Variants in MMP15 observed in about 807,000 individuals in gnomAD.
The protein encoded by MMP15 is matrix metallopeptidase 15.
MMP15 carries 36 observed loss-of-function variants against 65.0 expected under a neutral mutation model. That is an observed-to-expected ratio of 0.55 (90% CI 0.42 to 0.73). The LOEUF (loss-of-function observed/expected upper bound fraction) is 0.73, where lower values mean the gene tolerates loss of function less well. MMP15 is among the 30% of genes least tolerant of loss of function. The probability of loss-of-function intolerance (pLI) is 0.00; values close to 1 mark genes in which losing one functional copy is unlikely to be tolerated. For missense variants in MMP15, 870 were observed against 987.8 expected, an observed-to-expected ratio of 0.88 and a Z score of 1.60; for synonymous variants, 428 against 410.2, an observed-to-expected ratio of 1.04 and a Z score of -0.52.
rs1247698809 is a variant in MMP15, at chr16:58,041,680, G to A, written c.974G>A (p.Gly325Asp). The change falls in exon 6 of 10, where the codon GGC becomes GAC. Residue 325 changes from glycine (G) to aspartate (D), a missense_variant. Physicochemically the swap from Gly to Asp is moderately conservative, Grantham distance 94. Coordinates refer to ENST00000219271, the MANE Select transcript of MMP15 (RefSeq NM_002428.4). ...CCCACTGTGACGCCACGGCGGCCAGGCCGGCCTGACCACCGGCCGCCCCGG... is the reference window on the plus strand; with the variant it reads ...CCCACTGTGACGCCACGGCGGCCAGACCGGCCTGACCACCGGCCGCCCCGG... Reference protein sequence around the residue: ...PLPTVTPRRPGRPDHRPPRPP... With the variant: ...PLPTVTPRRPDRPDHRPPRPP... The A allele has an allele frequency of 6.3e-7, 1 of 1,579,196 alleles. No individual in the cohort carries two copies. The highest frequency in any genetic ancestry group is 1.1e-5 in the South Asian group (1 of 87,154).
chr16:58,041,810 C>G lies in MMP15; in HGVS notation c.1104C>G (p.Asn368Lys). 6.2e-7 allele frequency: 1 copy of G among 1,612,248 alleles called. No homozygotes were observed. The highest frequency in any genetic ancestry group is 8.5e-7 in the Non-Finnish European group (1 of 1,179,232). ...AGCGGCCCGACCAGTATGGCCCCAA[C>G]ATCTGCGACGGGGACTTTGACACAG... ...ATERPDQYGP[N>K]ICDGDFDTVA... Residue 368 changes from asparagine (N) to lysine (K), a missense_variant, in exon 6 of 10, where the codon AAC (asparagine) becomes AAG (lysine). Transcript: ENST00000219271.
intron 9 of MMP15, 58 bp downstream of exon 9, chr16:58,043,685 C>T: frequency 7.7e-7 from 1 of 1,301,830 alleles, no homozygotes; most frequent in Non-Finnish European, 1.1e-6. Flanking sequence ...CTACACACAC[C>T]ACAGGGCAGG....
Position 58,045,072 on chromosome 16 carries a change from C to A in MMP15, c.1636C>A (p.Pro546Thr), listed in dbSNP as rs1223478121. The A allele has an allele frequency of 2.5e-6, 4 of 1,613,048 alleles. No homozygotes were observed. The highest frequency in any genetic ancestry group is 3.4e-6 in the Non-Finnish European group (4 of 1,179,892). Residue 546 changes from proline (P) to threonine (T), a missense_variant, in exon 10 of 10, where the codon CCC becomes ACC. Transcript: ENST00000219271. ...KFDNERLRMEPGYPKSILRDF... is the reference protein window; with the variant it reads ...KFDNERLRMETGYPKSILRDF... Reference sequence around the variant, plus strand: ...CGACAATGAGCGCCTGCGGATGGAGCCCGGCTACCCCAAGTCCATCCTGCG... The same window carrying A: ...CGACAATGAGCGCCTGCGGATGGAGACCGGCTACCCCAAGTCCATCCTGCG...
chr16:58,039,994 T>G lies in MMP15; in HGVS notation c.560T>G (p.Ile187Ser). The change falls in exon 4 of 10, where the codon ATC (isoleucine) becomes AGC (serine). Residue 187 changes from isoleucine (I) to serine (S), a missense_variant. By Grantham distance (142) the Ile-to-Ser change is moderately radical. Coordinates refer to ENST00000219271, the MANE Select transcript of MMP15 (RefSeq NM_002428.4). The stretch of plus-strand genomic sequence containing the variant: ...TTCCAGGAGGTGCCCTATGAGGACA[T>G]CCGGCTGCGGCGACAGAAGGAGGCC... ...LVFQEVPYED[I>S]RLRRQKEADI... The G allele has an allele frequency of 6.2e-7, 1 of 1,614,048 alleles. No homozygotes were observed. Among genetic ancestry groups the G allele is most frequent in the Non-Finnish European group, 8.5e-7 (1 of 1,180,052 alleles).
chr16:58,037,379 T>C (rs1324305463), intron 1 of MMP15, 93 bp from the exon 2 acceptor site: 6 of 1,492,204 alleles, frequency 4.0e-6, no homozygotes, highest in Non-Finnish European at 5.5e-6. Context: ...AGAGCAGCGG[T>C]GGTGGAGGTG....
intron 1 of MMP15, among the ~76,000 whole-genome samples, chr16:58,034,526 G>T (rs1959292535): frequency 6.6e-6 from 1 of 152,128 alleles, no homozygotes; most frequent in Admixed American, 6.5e-5. Flanking sequence ...TTGGGCACTT[G>T]GCGTTCAGTC....
intron 1 of MMP15, among the ~76,000 whole-genome samples, chr16:58,033,489 G>A (rs895197006): frequency 6.6e-6 from 1 of 152,218 alleles, no homozygotes; most frequent in Non-Finnish European, 1.5e-5. Context: ...CAGGTGCTGC[G>A]GTTATGACCT....
At chr16:58,041,555 C>G in intron 5 of MMP15, 62 bp from the exon 6 acceptor site, 1 of 1,545,646 alleles carries the variant, frequency 6.5e-7, no homozygotes, top group South Asian at 1.2e-5. Flanking sequence ...GCTGGGGGCC[C>G]CGGGGCCCAG....
intron 4 of MMP15, 144 bp from the exon 5 acceptor site, chr16:58,040,393 T>C: frequency 8.9e-7 from 1 of 1,125,758 alleles, no homozygotes; most frequent in East Asian, 2.6e-5. Flanking sequence ...TCAGATGGGG[T>C]TGTTGTAGGC....
At chr16:58,044,387 C>A (rs1220963970) in intron 9 of MMP15, among the ~76,000 whole-genome samples, 6 of 152,350 alleles carry the variant, frequency 3.9e-5, no homozygotes, top group Admixed American at 3.9e-4. Flanking sequence ...GTCAAGGCTG[C>A]AGTGAGCTGT....
chr16:58,033,640 C>T (rs974521182), intron 1 of MMP15, among the ~76,000 whole-genome samples: 8 of 152,198 alleles, frequency 5.3e-5, no homozygotes, highest in Non-Finnish European at 1.0e-4. Flanking sequence ...GTGGTGGCTC[C>T]GCCTGTAATC....
chr16:58,026,669 C>T (rs886596674), intron 1 of MMP15, among the ~76,000 whole-genome samples, 157 bp downstream of exon 1: 4 of 152,218 alleles, frequency 2.6e-5, no homozygotes, highest in African/African-American at 9.6e-5. Flanking sequence ...CTGCCCCTCC[C>T]CAGCTCGCCC....
At chr16:58,044,644 G>T (rs1268746724) in intron 9 of MMP15, among the ~76,000 whole-genome samples, 1 of 152,212 alleles carries the variant, frequency 6.6e-6, no homozygotes, top group East Asian at 1.9e-4. Flanking sequence ...CAACTGCGGG[G>T]TGCTGTGTGG....
At chr16:58,038,166 G>T in intron 2 of MMP15, 100 bp from the exon 3 acceptor site, 2 of 1,502,316 alleles carry the variant, frequency 1.3e-6, no homozygotes. Context: ...TCATAGGAGG[G>T]GCGGCTGGGA....
chr16:58,045,539 C>T lies in MMP15; in HGVS notation c.*93C>T. On this transcript the variant is annotated 3_prime_UTR_variant, in exon 10 of 10. Coordinates refer to ENST00000219271, the MANE Select transcript of MMP15 (RefSeq NM_002428.4). ...CCTCCGCCCCCAGGTAGGGGCCCCT[C>T]TCAGCCCTCACACACCCTGTCTGCC... is the stretch of plus-strand genomic sequence containing the variant. 2 of 1,061,736 alleles carry T rather than the reference C, an allele frequency of 1.9e-6. No homozygotes were observed. The highest frequency in any genetic ancestry group is 1.3e-6 in the Non-Finnish European group (1 of 757,214). The allele number at this position is 1,061,736 out of a possible 1,614,324, so 65.8% of individuals were successfully genotyped here. A position where few individuals can be genotyped will look rare whatever the true frequency, so the allele number is the denominator to read the frequency against.
chr16:58,038,665 C>T (rs769154822), intron 3 of MMP15, among the ~76,000 whole-genome samples: 143 of 152,320 alleles, frequency 9.4e-4, no homozygotes, highest in Non-Finnish European at 1.6e-3. Flanking sequence ...GCACAGACTG[C>T]AGCAAGGGAT....
chr16:58,031,456 G>C (rs1452755024), intron 1 of MMP15, among the ~76,000 whole-genome samples: 1 of 152,136 alleles, frequency 6.6e-6, no homozygotes, highest in African/African-American at 2.4e-5. Flanking sequence ...CCCCGTCTAG[G>C]AGTCAGCACC....
chr16:58,026,144 G>T lies in MMP15; in HGVS notation c.-207G>T. Reference sequence around the variant, plus strand: ...CTCCGGTCGGCCCCCTTTCCCGCCGGCTGGTTCCGAGCTCCCGGACCTGCC... The same window carrying T: ...CTCCGGTCGGCCCCCTTTCCCGCCGTCTGGTTCCGAGCTCCCGGACCTGCC... On this transcript the variant is annotated 5_prime_UTR_variant, in exon 1 of 10. Transcript: ENST00000219271. The T allele has an allele frequency of 2.2e-6, 1 of 462,436 alleles. No homozygotes were observed. Among genetic ancestry groups the T allele is most frequent in the Non-Finnish European group, 3.5e-6 (1 of 288,764 alleles). The allele number at this position is 462,436 out of a possible 1,614,324, so 28.6% of individuals were successfully genotyped here.
chr16:58,042,767 C>G (rs1363046956), intron 7 of MMP15, among the ~76,000 whole-genome samples: 1 of 152,228 alleles, frequency 6.6e-6, no homozygotes, highest in Non-Finnish European at 1.5e-5. Context: ...CACCAGGGCT[C>G]TAACCCCACT....
Sources: allele counts gnomAD v4.1 joint callset (sites outside exome capture counted in the v4.1 genomes callset), GRCh38; gene constraint gnomAD v4.1.1; transcripts MANE v1.5; gene names NCBI Gene and HGNC (gene_info 2026-07-23, HGNC 2026-07-21).